Variants in SLC6A16 observed in about 807,000 individuals in gnomAD.
SLC6A16 encodes solute carrier family 6 member 16.
Under a neutral mutation model 65.4 loss-of-function variants are expected in SLC6A16, and 54 were observed. The ratio of observed to expected loss-of-function variants is 0.83; its 90% CI spans 0.66 to 1.04. SLC6A16 has a LOEUF of 1.04. SLC6A16 is among the 50% of genes least tolerant of loss of function. The pLI, the probability that SLC6A16 is intolerant of heterozygous loss-of-function variation, is 0.00. For missense variants in SLC6A16, 816 were observed against 914.0 expected (o/e 0.89, Z 1.38); for synonymous variants, 330 against 346.5 (o/e 0.95, Z 0.53).
intron 7 of SLC6A16, among the ~76,000 whole-genome samples, chr19:49,304,161 A>C (rs1001769818): frequency 7.9e-5 from 12 of 152,370 alleles, no homozygotes; most frequent in Middle Eastern, 3.4e-3. Flanking sequence ...TCTTGATTAA[A>C]AGAGGAAATG....
the SLC6A16 span, chr19:49,336,050 T>G: frequency 7.8e-6 from 4 of 514,340 alleles, no homozygotes; most frequent in East Asian, 3.2e-5. Context: ...CCCACAAACC[T>G]TCCCCTCGCT....
Position 49,311,366 on chromosome 19 carries a change from G to C in SLC6A16, c.-19C>G. 1 of 1,538,490 alleles carries C rather than the reference G, an allele frequency of 6.5e-7. No individual in the cohort carries two copies. Among genetic ancestry groups the C allele is most frequent in the South Asian group, 1.3e-5 (1 of 77,966 alleles). ...TCTTCATCTCACACAGACTCTCTGG[G>C]GCAGCTCCCGCTTCTGCAAGGGAGG... On this transcript the variant is annotated 5_prime_UTR_variant, in exon 2 of 12. Transcript: ENST00000335875.
Position 49,310,973 on chromosome 19 carries a change from A to T in SLC6A16, c.375T>A (p.Cys125Ter). Residue 125 changes from cysteine (C) to a stop codon, truncating the protein, a stop_gained, in exon 2 of 12, where the codon TGT becomes TGA. Transcript: ENST00000335875. LOFTEE classifies it high-confidence loss of function. ...AQVGFSMKPSCLWRFAYLWLN... is the reference protein window; with the variant it reads ...AQVGFSMKPS Reference sequence around the variant, plus strand: ...GCCACAGGTAGGCAAAGCGCCAGAGACAAGATGGCTTCATAGAGAAGCCCA... The same window carrying T: ...GCCACAGGTAGGCAAAGCGCCAGAGTCAAGATGGCTTCATAGAGAAGCCCA... 1.2e-6 allele frequency: 2 copies of T among 1,614,214 alleles called. No homozygotes were observed. The highest frequency in any genetic ancestry group is 1.7e-6 in the Non-Finnish European group (2 of 1,180,022).
rs949711493 is a variant in SLC6A16, at chr19:49,311,432, T to C, written c.-64-21A>G. The C allele has an allele frequency of 7.2e-6, 10 of 1,392,736 alleles. No homozygotes were observed. The Admixed American group carries it at 1.5e-4, about 21-fold the overall frequency. The allele number at this position is 1,392,736 out of a possible 1,614,324, so 86.3% of individuals were successfully genotyped here. A position where few individuals can be genotyped will look rare whatever the true frequency, so the allele number is the denominator to read the frequency against. ...GAGACCTGAAGGACACCAAAATCTG[T>C]AGATTTTAGATTTTAGAGTCAAGTA... is the stretch of plus-strand genomic sequence containing the variant. On this transcript the variant is annotated intron_variant, in intron 1 of 11. Transcript: ENST00000335875.
At chr19:49,338,969 A>G in the SLC6A16 span, 3 of 1,417,710 alleles carry the variant, frequency 2.1e-6, no homozygotes, top group South Asian at 3.4e-5. This position sits in a 1 kb window ranked among gnomAD's most constrained non-coding sequence, Gnocchi z 5.0. Flanking sequence ...AACCTGTCGA[A>G]TGGGGCGGGG....
At chr19:49,338,458 C>A in the SLC6A16 span, among the ~76,000 whole-genome samples, 1 of 151,962 alleles carries the variant, frequency 6.6e-6, no homozygotes, top group Non-Finnish European at 1.5e-5. This position sits in a 1 kb window ranked among gnomAD's most constrained non-coding sequence, Gnocchi z 5.0. Flanking sequence ...TAGTCCACAG[C>A]GCGACCCTGC....
At chr19:49,323,456 A>G (rs11881962) in intron 1 of SLC6A16, among the ~76,000 whole-genome samples, 2 of 152,136 alleles carry the variant, frequency 1.3e-5, no homozygotes, top group Non-Finnish European at 2.9e-5. Context: ...TCTGAAAATC[A>G]TATGTATAAT....
intron 1 of SLC6A16, among the ~76,000 whole-genome samples, chr19:49,322,567 G>C (rs1476435236): frequency 6.7e-6 from 1 of 149,330 alleles, no homozygotes; most frequent in Non-Finnish European, 1.5e-5. Context: ...CTGGGAGGCA[G>C]AGGTTGCAGT....
At chr19:49,300,548 T>C (rs911842942) in intron 7 of SLC6A16, among the ~76,000 whole-genome samples, 2 of 149,358 alleles carry the variant, frequency 1.3e-5, no homozygotes, top group African/African-American at 2.5e-5. Context: ...TCCAGACTAG[T>C]GGAGGAAAAA....
chr19:49,300,088 T>A (rs971003240), intron 7 of SLC6A16, among the ~76,000 whole-genome samples: 2 of 148,704 alleles, frequency 1.3e-5, no homozygotes, highest in African/African-American at 2.5e-5. Flanking sequence ...CAAGATAGAA[T>A]AAAGATCAAA....
chr19:49,339,415 T>C, the SLC6A16 span: 2 of 1,613,146 alleles, frequency 1.2e-6, no homozygotes, highest in Non-Finnish European at 1.7e-6. The surrounding 1 kb of genome is among the most constrained non-coding windows in gnomAD (Gnocchi z 4.5). Context: ...CTACTCGAGG[T>C]GATCTGGCCC....
the SLC6A16 span, chr19:49,337,303 G>A: frequency 2.9e-4 from 396 of 1,358,840 alleles, 1 homozygote; most frequent in East Asian, 6.0e-4. Flanking sequence ...GAGAGAGACC[G>A]AAACAAGGGC....
chr19:49,303,520 T>C (rs913047589), intron 7 of SLC6A16, among the ~76,000 whole-genome samples: 11 of 151,960 alleles, frequency 7.2e-5, no homozygotes, highest in Non-Finnish European at 5.9e-5. Context: ...CTGGGCATGG[T>C]GGCGCCCACC....
chr19:49,315,478 A>G (rs1970599668), intron 1 of SLC6A16, among the ~76,000 whole-genome samples: 1 of 152,190 alleles, frequency 6.6e-6, no homozygotes, highest in Non-Finnish European at 1.5e-5. Flanking sequence ...AAAAGGCTGA[A>G]GAAAAAATTA....
intron 7 of SLC6A16, among the ~76,000 whole-genome samples, chr19:49,302,198 G>A (rs566989100): frequency 6.6e-6 from 1 of 152,304 alleles, no homozygotes; most frequent in Admixed American, 6.5e-5. Flanking sequence ...TGCCATGCTT[G>A]TGCCTACAGC....
At chr19:49,317,605 G>A (rs1316285021) in intron 1 of SLC6A16, among the ~76,000 whole-genome samples, 4 of 151,872 alleles carry the variant, frequency 2.6e-5, no homozygotes, top group Admixed American at 6.6e-5. Flanking sequence ...AGGAGATCAA[G>A]ACCATCCTGG....
the SLC6A16 span, chr19:49,338,923 A>C: frequency 1.2e-6 from 2 of 1,612,638 alleles, no homozygotes; most frequent in Non-Finnish European, 1.7e-6. The surrounding 1 kb of genome is among the most constrained non-coding windows in gnomAD (Gnocchi z 5.0). Flanking sequence ...GCAGAGAGCC[A>C]CATCTACCGC....
Position 49,311,412 on chromosome 19 carries a change from C to A in SLC6A16, c.-64-1G>T. On this transcript the variant is annotated splice_acceptor_variant, in intron 1 of 11. Transcript: ENST00000335875. LOFTEE classifies it low-confidence loss of function (5UTR_SPLICE). ...GGAGGGTTCATCTTCCTGAGGAGAC[C>A]TGAAGGACACCAAAATCTGTAGATT... The A allele has an allele frequency of 6.7e-7, 1 of 1,491,098 alleles. No individual in the cohort carries two copies. Among genetic ancestry groups the A allele is most frequent in the Non-Finnish European group, 9.0e-7 (1 of 1,116,906 alleles). 92.4% of individuals were successfully genotyped at this position (1,491,098 alleles called of 1,614,324 possible). A position where few individuals can be genotyped will look rare whatever the true frequency, so the allele number is the denominator to read the frequency against.
At chr19:49,304,309 T>A (rs1486721172) in intron 7 of SLC6A16, among the ~76,000 whole-genome samples, 1 of 152,176 alleles carries the variant, frequency 6.6e-6, no homozygotes, top group Non-Finnish European at 1.5e-5. Context: ...TAACCACGCA[T>A]AAAGGCCACT....
Sources: allele counts gnomAD v4.1 joint callset (sites outside exome capture counted in the v4.1 genomes callset), GRCh38; gene constraint gnomAD v4.1.1; non-coding constraint Gnocchi (gnomAD v3.1); transcripts MANE v1.5; gene names NCBI Gene and HGNC (gene_info 2026-07-23, HGNC 2026-07-21).